Variants in CTNNA2 observed in about 807,000 individuals in gnomAD.
CTNNA2 encodes the protein catenin alpha-2.
Under a neutral mutation model 101.0 loss-of-function variants are expected in CTNNA2, and 42 were observed. The ratio of observed to expected loss-of-function variants is 0.42; its 90% confidence interval spans 0.32 to 0.54. The LOEUF (loss-of-function observed/expected upper bound fraction) is 0.54. Ranked by LOEUF, CTNNA2 falls within the 20% of genes least tolerant of loss-of-function variation. The pLI is 0.14. For missense variants in CTNNA2, 871 were observed against 1,223.1 expected (o/e 0.71, Z 4.29); for synonymous variants, 450 against 456.4 (o/e 0.99, Z 0.18).
At chr2:80,122,989 A>G (rs1701926093) in intron 7 of CTNNA2, among the ~76,000 whole-genome samples, 1 of 152,126 alleles carries the variant, frequency 6.6e-6, no homozygotes, top group Non-Finnish European at 1.5e-5. Flanking sequence ...TCAGCTTCAA[A>G]TGGAACCGTC....
chr2:80,459,193 C>T (rs1684224117), intron 9 of CTNNA2, among the ~76,000 whole-genome samples: 2 of 152,114 alleles, frequency 1.3e-5, no homozygotes, highest in South Asian at 4.1e-4. Flanking sequence ...GATGAAACCA[C>T]CTAAGGATGC....
chr2:79,597,518 G>T (rs1158336587), intron 1 of CTNNA2, among the ~76,000 whole-genome samples: 1 of 151,742 alleles, frequency 6.6e-6, no homozygotes, highest in East Asian at 1.9e-4. Context: ...TCTCGCAGAT[G>T]GAAAATATGC....
At chr2:80,535,555 A>G (rs1690937083) in intron 9 of CTNNA2, among the ~76,000 whole-genome samples, 1 of 152,188 alleles carries the variant, frequency 6.6e-6, no homozygotes, top group Non-Finnish European at 1.5e-5. Flanking sequence ...TCAGAACATA[A>G]ACCCTGGGCT....
intron 7 of CTNNA2, among the ~76,000 whole-genome samples, chr2:80,374,897 C>T (rs956993202): frequency 9.9e-5 from 15 of 152,066 alleles, no homozygotes; most frequent in Non-Finnish European, 1.3e-4. Flanking sequence ...AGACACAGTT[C>T]AGCCCACATC....
At chr2:80,391,377 T>C (rs539064496) in intron 7 of CTNNA2, among the ~76,000 whole-genome samples, 2 of 152,144 alleles carry the variant, frequency 1.3e-5, no homozygotes, top group Non-Finnish European at 2.9e-5. Context: ...AGTAATTATT[T>C]TGTGTATCTA....
rs200058924 is a variant in CTNNA2, at chr2:80,302,515, G to C, written c.1057-90696G>C. 37 of 1,612,722 alleles carry C rather than the reference G, an allele frequency of 2.3e-5. No homozygotes were observed. The highest frequency in any genetic ancestry group is 1.6e-4 in the Middle Eastern group (1 of 6,084). On this transcript the variant is annotated intron_variant, in intron 7 of 18. Transcript: ENST00000402739. The surrounding 1 kb of genome is among the most constrained non-coding windows in gnomAD (Gnocchi z 6.4). The stretch of plus-strand genomic sequence containing the variant: ...GGACCACGATGAGGAAGGAGAAGAT[G>C]AGGGCCATGGTGCCCGTGACCACCT...
At chr2:80,175,386 A>G (rs976337859) in intron 7 of CTNNA2, among the ~76,000 whole-genome samples, 3 of 152,208 alleles carry the variant, frequency 2.0e-5, no homozygotes, top group African/African-American at 7.2e-5. Context: ...CAGGATACGC[A>G]TTAATAATTC....
At chr2:80,392,581 T>C (rs951221703) in intron 7 of CTNNA2, among the ~76,000 whole-genome samples, 1 of 152,148 alleles carries the variant, frequency 6.6e-6, no homozygotes, top group Non-Finnish European at 1.5e-5. Context: ...ACACTTTTTT[T>C]TTTCTCTACC....
At position 79,894,047 on chromosome 2, in the gene CTNNA2, CTTCTTCTTCTTCT is replaced by C. The variant is rs1558619599; in HGVS notation, c.853-15545_853-15533del. ...TCTTCTTCTTCTTCTTCTTCTTCTT[CTTCTTCTTCTTCT>C]TCTTCCTCCTCCTCCTCCTCCTTCT... On this transcript the variant is annotated intron_variant, in intron 6 of 18. Coordinates refer to ENST00000402739, the MANE Select transcript of CTNNA2 (RefSeq NM_001282597.3). 6.5e-4 allele frequency among the ~76,000 whole-genome samples: 83 copies of C among 127,566 alleles called. 1 individual carries two copies. The highest frequency in any genetic ancestry group is 2.1e-3 in the African/African-American group (80 of 38,240). 83.7% of individuals were successfully genotyped at this position (127,566 alleles called of 152,430 possible).
At chr2:80,175,784 C>T (rs1431744471) in intron 7 of CTNNA2, among the ~76,000 whole-genome samples, 1 of 152,218 alleles carries the variant, frequency 6.6e-6, no homozygotes, top group Non-Finnish European at 1.5e-5. Flanking sequence ...GTTCAGCCTT[C>T]AGTCTGTGGC....
intron 4 of CTNNA2, among the ~76,000 whole-genome samples, chr2:79,465,299 T>G (rs1262389506): frequency 6.6e-6 from 1 of 152,174 alleles, no homozygotes; most frequent in East Asian, 1.9e-4. Context: ...GTTGTAGATG[T>G]GTCATATTAT....
chr2:80,495,364 C>A (rs1300144380), intron 9 of CTNNA2, among the ~76,000 whole-genome samples: 1 of 152,116 alleles, frequency 6.6e-6, no homozygotes, highest in Non-Finnish European at 1.5e-5. Flanking sequence ...GTCTGACATT[C>A]ACCAACTAAA....
At chr2:80,331,913 C>T (rs1370581420) in intron 7 of CTNNA2, among the ~76,000 whole-genome samples, 2 of 152,132 alleles carry the variant, frequency 1.3e-5, no homozygotes, top group African/African-American at 4.8e-5. Flanking sequence ...TCCAATCCTT[C>T]TGCTTGTTGT....
At chr2:80,479,514 A>G (rs1038907853) in intron 9 of CTNNA2, among the ~76,000 whole-genome samples, 2 of 152,186 alleles carry the variant, frequency 1.3e-5, no homozygotes, top group East Asian at 1.9e-4. Context: ...AAGTGAAGAC[A>G]AAGGAAAGAC....
intron 2 of CTNNA2, among the ~76,000 whole-genome samples, chr2:79,293,642 A>T (rs967705494): frequency 3.9e-5 from 6 of 152,208 alleles, no homozygotes; most frequent in African/African-American, 1.4e-4. Context: ...TAGAATTAAC[A>T]TAAGGCCATT....
At chr2:79,790,106 A>C (rs1179994129) in intron 3 of CTNNA2, among the ~76,000 whole-genome samples, 1 of 152,230 alleles carries the variant, frequency 6.6e-6, no homozygotes, top group Admixed American at 6.5e-5. Flanking sequence ...TGATGTAGTC[A>C]GCAGTACATC....
At chr2:79,921,924 C>CAT (rs1277629823) in intron 7 of CTNNA2, among the ~76,000 whole-genome samples, 1 of 152,152 alleles carries the variant, frequency 6.6e-6, no homozygotes, top group Non-Finnish European at 1.5e-5. Context: ...TTTAAAAACA[C>CAT]ATATTCCAGG....
chr2:80,413,982 C>T (rs1679818517), intron 8 of CTNNA2, among the ~76,000 whole-genome samples: 1 of 152,144 alleles, frequency 6.6e-6, no homozygotes, highest in Admixed American at 6.5e-5. Flanking sequence ...AATGGTCAGG[C>T]ATTTATTAAA....
chr2:80,522,237 T>C (rs367585289), intron 9 of CTNNA2, among the ~76,000 whole-genome samples: 2 of 152,180 alleles, frequency 1.3e-5, no homozygotes, highest in African/African-American at 4.8e-5. Flanking sequence ...TGGTAGTTAG[T>C]GTGAGCCTCA....
Sources: gnomAD v4.1 joint callset for allele counts (sites outside exome capture counted in the v4.1 genomes callset) on GRCh38, gnomAD v4.1.1 for gene constraint, Gnocchi (gnomAD v3.1) non-coding constraint, MANE v1.5 for transcripts, NCBI Gene and HGNC (gene_info 2026-07-23, HGNC 2026-07-21) for gene names.